SELENOT: variants seen among roughly 807,000 people sequenced by gnomAD.
SELENOT encodes selenoprotein T, also known as thioredoxin reductase-like selenoprotein T.
Under a neutral mutation model 24.3 loss-of-function variants are expected in SELENOT, and 9 were observed. That is an observed-to-expected ratio of 0.37 (90% CI 0.22 to 0.65). SELENOT has a LOEUF of 0.65. Among genes scored for constraint, SELENOT ranks in the 30% least tolerant of loss-of-function variants. The probability of loss-of-function intolerance (pLI) is 0.60; values close to 1 mark genes in which losing one functional copy is unlikely to be tolerated. For synonymous variants in SELENOT, 81 were observed against 86.0 expected (o/e 0.94, Z 0.32); for missense variants, 166 against 247.6 (o/e 0.67, Z 2.21).
intron 1 of SELENOT, among the ~76,000 whole-genome samples, chr3:150,620,635 C>T (rs1423283365): frequency 6.6e-6 from 1 of 152,166 alleles, no homozygotes; most frequent in East Asian, 1.9e-4. Context: ...ATTTTTCCCC[C>T]GTTCATCTAT....
chr3:150,603,658 A>T, intron 1 of SELENOT, 159 bp downstream of exon 1: 2 of 853,006 alleles, frequency 2.3e-6, no homozygotes, highest in Non-Finnish European at 3.5e-6. Context: ...GCGGCCCCTT[A>T]GCGCGGTCAG....
intron 4 of SELENOT, 61 bp from the exon 5 acceptor site, chr3:150,626,949 T>A: frequency 6.6e-7 from 1 of 1,526,704 alleles, no homozygotes; most frequent in Non-Finnish European, 8.9e-7. Flanking sequence ...ATTAGTGGGA[T>A]GAATGCATAT....
At chr3:150,607,144 C>T (rs1725984530) in intron 1 of SELENOT, among the ~76,000 whole-genome samples, 1 of 152,286 alleles carries the variant, frequency 6.6e-6, no homozygotes, top group South Asian at 2.1e-4. Flanking sequence ...GATTTCAAAA[C>T]ATAAGTAGAA....
chr3:150,615,283 G>A (rs2108009524), intron 1 of SELENOT, among the ~76,000 whole-genome samples: 1 of 151,752 alleles, frequency 6.6e-6, no homozygotes, highest in Non-Finnish European at 1.5e-5. Flanking sequence ...CATTTGGGTT[G>A]GTTCCAAGTC....
In SELENOT at chr3:150,604,802, G is replaced by A. The variant is rs1053680211; in HGVS notation, c.137+1303G>A. ...CTGTAATCCCAGCACTTTGGAGGCC[G>A]AGGCTAGCGGATCACCTGAGGTCGG... is the stretch of plus-strand genomic sequence containing the variant. On this transcript the variant is annotated intron_variant, in intron 1 of 5. Transcript: ENST00000471696. Among the ~76,000 whole-genome samples the A allele has an allele frequency of 5.3e-5, 8 of 152,240 alleles. No homozygotes were observed. The East Asian group carries it at 9.6e-4, about 18-fold the overall frequency.
In SELENOT at chr3:150,605,406, A is replaced by T. The variant is rs75796331; in HGVS notation, c.137+1907A>T. The stretch of plus-strand genomic sequence containing the variant: ...TCATAGCAAGGTTTTCAAAATGTGT[A>T]AACAAACGTAGGGAAGGGCATTCAG... On this transcript the variant is annotated intron_variant, in intron 1 of 5. Transcript: ENST00000471696. Among the ~76,000 whole-genome samples, 210 of 152,288 alleles carry T rather than the reference A, an allele frequency of 1.4e-3. 1 individual carries two copies. The highest frequency in any genetic ancestry group is 5.0e-3 in the African/African-American group (206 of 41,558).
At chr3:150,605,732 A>C (rs1288211671) in intron 1 of SELENOT, among the ~76,000 whole-genome samples, 1 of 152,158 alleles carries the variant, frequency 6.6e-6, no homozygotes, top group Non-Finnish European at 1.5e-5. Flanking sequence ...TTTTCCCCCC[A>C]GAGATTAATC....
chr3:150,612,012 A>G (rs1306218902), intron 1 of SELENOT: 1 of 514,490 alleles, frequency 1.9e-6, no homozygotes, highest in Admixed American at 3.9e-5. Flanking sequence ...CTGGCGCCGA[A>G]ACAGTGGACA....
rs991615776 is a variant in SELENOT, at chr3:150,630,276, A to G, written c.*2647A>G. On this transcript the variant is annotated 3_prime_UTR_variant, in exon 6 of 6. Coordinates refer to ENST00000471696, the MANE Select transcript of SELENOT (RefSeq NM_016275.5). Reference sequence around the variant, plus strand: ...AAACATTTTATCATTGTCAGAATTTAATTTAGATTTCAAAAATAGCTTACA... The same window carrying G: ...AAACATTTTATCATTGTCAGAATTTGATTTAGATTTCAAAAATAGCTTACA... The G allele has an allele frequency of 6.6e-6, 1 of 152,154 alleles. No individual in the cohort carries two copies. The highest frequency in any genetic ancestry group is 6.5e-5 in the Admixed American group (1 of 15,282). The allele number at this position is 152,154 out of a possible 1,614,324, so 9.4% of individuals were successfully genotyped here.
intron 1 of SELENOT, among the ~76,000 whole-genome samples, chr3:150,618,450 G>A (rs1257958721): frequency 1.3e-5 from 2 of 152,182 alleles, no homozygotes; most frequent in Admixed American, 1.3e-4. Flanking sequence ...GATGGGCCTA[G>A]GTTTGATATA....
rs1194632323 is a variant in SELENOT at position 150,629,029 on chromosome 3, G to C, written c.*1400G>C. 1 of 152,122 alleles carries C rather than the reference G, an allele frequency of 6.6e-6. No homozygotes were observed. The highest frequency in any genetic ancestry group is 2.4e-5 in the African/African-American group (1 of 41,412). The allele number at this position is 152,122 out of a possible 1,614,324, so 9.4% of individuals were successfully genotyped here. A position where few individuals can be genotyped will look rare whatever the true frequency, so the allele number is the denominator to read the frequency against. Reference sequence around the variant, plus strand: ...GAAATGTTCCATGAGCATTTCCTTTGAGTGTCATGTTGGCACTCAAAAAGG... The same window carrying C: ...GAAATGTTCCATGAGCATTTCCTTTCAGTGTCATGTTGGCACTCAAAAAGG... On this transcript the variant is annotated 3_prime_UTR_variant, in exon 6 of 6. Coordinates refer to ENST00000471696, the MANE Select transcript of SELENOT (RefSeq NM_016275.5).
chr3:150,619,154 G>T (rs1726281057), intron 1 of SELENOT, among the ~76,000 whole-genome samples: 1 of 150,282 alleles, frequency 6.7e-6, no homozygotes, highest in South Asian at 2.1e-4. Flanking sequence ...CCGGGAGGCG[G>T]AGCTTGCAGT....
chr3:150,624,001 A>T (rs1249644217), intron 3 of SELENOT, among the ~76,000 whole-genome samples: 1 of 151,948 alleles, frequency 6.6e-6, no homozygotes, highest in South Asian at 2.1e-4. Context: ...TTTCTTTGGG[A>T]ACCATTTCTT....
intron 1 of SELENOT, among the ~76,000 whole-genome samples, chr3:150,616,388 G>T (rs1726218311): frequency 7.0e-6 from 1 of 143,868 alleles, no homozygotes; most frequent in Admixed American, 7.0e-5. Flanking sequence ...CACAGCAAAA[G>T]AAACTACCAT....
chr3:150,627,626 A>G (rs533562605), intron 5 of SELENOT, 33 bp from the exon 6 acceptor site: 1 of 152,966 alleles, frequency 6.5e-6, no homozygotes, highest in South Asian at 2.1e-4. Flanking sequence ...TGATTTTTGC[A>G]ATAAAATATT....
chr3:150,618,402 G>C (rs1167457307), intron 1 of SELENOT, among the ~76,000 whole-genome samples: 1 of 152,182 alleles, frequency 6.6e-6, no homozygotes, highest in Non-Finnish European at 1.5e-5. Flanking sequence ...TCTTGTTCAT[G>C]TTGTCTTTTA....
chr3:150,623,685 A>T (rs576901441), intron 3 of SELENOT, among the ~76,000 whole-genome samples: 10 of 152,170 alleles, frequency 6.6e-5, no homozygotes, highest in Admixed American at 3.3e-4. Flanking sequence ...TATACTTAAG[A>T]ACTTTGTGCT....
intron 1 of SELENOT, among the ~76,000 whole-genome samples, chr3:150,619,170 G>A (rs969323021): frequency 6.8e-6 from 1 of 147,212 alleles, no homozygotes; most frequent in Admixed American, 6.9e-5. Flanking sequence ...GCAGTGAGCC[G>A]AGATCGCGCC....
chr3:150,611,305 T>A (rs1726083820), intron 1 of SELENOT: 2 of 1,282,542 alleles, frequency 1.6e-6, no homozygotes, highest in Non-Finnish European at 2.3e-6. Context: ...GTTCTTGTCA[T>A]TCTTCACTGA....
Sources: gnomAD v4.1 joint callset for allele counts (sites outside exome capture counted in the v4.1 genomes callset) on GRCh38, gnomAD v4.1.1 for gene constraint, MANE v1.5 for transcripts, NCBI Gene and HGNC (gene_info 2026-07-23, HGNC 2026-07-21) for gene names.